SIRT2: variants seen among roughly 807,000 people sequenced by gnomAD.
SIRT2 encodes sirtuin 2, also known as NAD-dependent protein deacetylase sirtuin-2.
A neutral mutation model predicts 57.4 loss-of-function variants in SIRT2; 40 were observed. The ratio of observed to expected loss-of-function variants is 0.70; its 90% CI spans 0.54 to 0.91. The LOEUF (loss-of-function observed/expected upper bound fraction) is 0.91, where lower values mean the gene tolerates loss of function less well. Ranked by LOEUF, SIRT2 falls within the 40% of genes least tolerant of loss-of-function variation. SIRT2 has a pLI of 0.00. For missense variants in SIRT2, 439 were observed against 510.4 expected (o/e 0.86, Z 1.35); for synonymous variants, 161 against 195.7 (o/e 0.82, Z 1.48).
intron 1 of SIRT2, among the ~76,000 whole-genome samples, chr19:38,899,087 C>G: frequency 6.6e-6 from 1 of 151,998 alleles, no homozygotes; most frequent in East Asian, 1.9e-4. Flanking sequence ...GAGGGAGGTG[C>G]AGTGGTGCAG....
chr19:38,894,951 A>C, intron 2 of SIRT2: 1 of 450,326 alleles, frequency 2.2e-6, no homozygotes, highest in African/African-American at 2.1e-5. Flanking sequence ...CCAGCCTCTC[A>C]CTCCTACTAT....
chr19:38,890,199 A>G (rs1170227429), intron 4 of SIRT2, 55 bp from the exon 5 acceptor site: 3 of 1,576,874 alleles, frequency 1.9e-6, no homozygotes, highest in Non-Finnish European at 2.6e-6. Flanking sequence ...TCCCTACGAT[A>G]GCACCACCCA....
chr19:38,890,272 C>T (rs1466307708), intron 4 of SIRT2, 128 bp from the exon 5 acceptor site: 8 of 851,492 alleles, frequency 9.4e-6, no homozygotes, highest in Admixed American at 2.2e-5. Flanking sequence ...AGATGCATGA[C>T]GGGCCTTCCA....
rs1221796776 is a variant in SIRT2, at chr19:38,884,156, G to A, written c.502-400C>T. 2.7e-5 allele frequency among the ~76,000 whole-genome samples: 4 copies of A among 148,676 alleles called. No homozygotes were observed. The East Asian group carries it at 7.8e-4, about 29-fold the overall frequency. ...GGGCCCAAACCTAAATATCTATGAG[G>A]CCAGGCCCACAGCCACTCCACAGCC... On this transcript the variant is annotated intron_variant, in intron 8 of 15. Transcript: ENST00000249396.
chr19:38,889,283 G>A (rs748722061), intron 7 of SIRT2, 128 bp from the exon 8 acceptor site: 12 of 815,384 alleles, frequency 1.5e-5, no homozygotes, highest in Middle Eastern at 2.2e-4. Context: ...CAGCCGCGTC[G>A]GGGAGAGACC....
chr19:38,879,255 C>T lies in SIRT2; in HGVS notation c.1070G>A (p.Gly357Glu), dbSNP rs762799591. 6.2e-7 allele frequency: 1 copy of T among 1,605,198 alleles called. No individual in the cohort carries two copies. The highest frequency in any genetic ancestry group is 1.1e-5 in the South Asian group (1 of 90,140). ...REHASIDAQS[G>E]AGVPNPSTSA... Reference sequence around the variant, plus strand: ...AGTGCTGGGGTTGGGGACCCCCGCCCCCGACTGGGCATCTATGCTGGCGTG... The same window carrying T: ...AGTGCTGGGGTTGGGGACCCCCGCCTCCGACTGGGCATCTATGCTGGCGTG... The change falls in exon 16 of 16, where the codon GGG (glycine) becomes GAG (glutamate). Residue 357 changes from glycine to glutamate, a missense_variant. Gly to Glu is a moderately conservative substitution (Grantham distance 98). Coordinates refer to ENST00000249396, the MANE Select transcript of SIRT2 (RefSeq NM_012237.4).
At chr19:38,889,783 T>G in intron 6 of SIRT2, 38 bp from the exon 7 acceptor site, 1 of 1,613,986 alleles carries the variant, frequency 6.2e-7, no homozygotes, top group South Asian at 1.1e-5. Flanking sequence ...ATGCCCCAGG[T>G]AGCGTGAGGG....
intron 1 of SIRT2, chr19:38,898,643 G>A (rs537113003): frequency 2.7e-4 from 104 of 388,268 alleles, no homozygotes; most frequent in Admixed American, 4.8e-4. Context: ...GGGGCAGAGA[G>A]GCTGGAGAGG....
chr19:38,882,799 G>A (rs1973196440), intron 9 of SIRT2, among the ~76,000 whole-genome samples: 1 of 152,164 alleles, frequency 6.6e-6, no homozygotes, highest in African/African-American at 2.4e-5. Flanking sequence ...TGCATGGACA[G>A]CATGACACCG....
chr19:38,882,094 G>A (rs148881502), intron 9 of SIRT2, among the ~76,000 whole-genome samples: 81 of 151,964 alleles, frequency 5.3e-4, no homozygotes, highest in African/African-American at 1.8e-3. Context: ...ATAGCTTACT[G>A]CACCACCGAC....
chr19:38,891,631 C>T (rs1186540843), intron 4 of SIRT2, among the ~76,000 whole-genome samples: 2 of 152,024 alleles, frequency 1.3e-5, no homozygotes, highest in Admixed American at 6.6e-5. Context: ...GAGGGGGTCT[C>T]GCTTATTGCC....
At chr19:38,887,141 C>T (rs1420003770) in intron 8 of SIRT2, among the ~76,000 whole-genome samples, 1 of 152,034 alleles carries the variant, frequency 6.6e-6, no homozygotes, top group Non-Finnish European at 1.5e-5. Flanking sequence ...TTTACAACAG[C>T]ACCCCCTTTC....
At position 38,881,122 on chromosome 19, in the gene SIRT2, C is replaced by T. The variant is rs199730724; in HGVS notation, c.725G>A (p.Arg242His). Residue 242 changes from arginine to histidine, a missense_variant, in exon 11 of 16, where the codon CGT becomes CAT. By Grantham distance (29) the Arg-to-His change is conservative. Transcript: ENST00000249396. ...TACTGACTGCATACAGGAGAAGAAACGCGCTGGGAGGCTCTCACCAAAAAA... is the reference window on the plus strand; with the variant it reads ...TACTGACTGCATACAGGAGAAGAAATGCGCTGGGAGGCTCTCACCAAAAAA... ...IVFFGESLPA[R>H]FFSCMQSDFL... 8.2e-5 allele frequency: 132 copies of T among 1,613,358 alleles called. 1 individual carries two copies. The highest frequency in any genetic ancestry group is 1.8e-4 in the East Asian group (8 of 44,870).
At position 38,894,200 on chromosome 19, in the gene SIRT2, G is replaced by A. The variant is rs1308529607; in HGVS notation, c.64-333C>T. On this transcript the variant is annotated intron_variant, in intron 2 of 15. Transcript: ENST00000249396. ...CAGCCTCAACCTCCCAAGCTCAAGG[G>A]ATCCTCCCACCTCAGCCTCCCAAGT... 1.2e-5 allele frequency: 4 copies of A among 321,872 alleles called. No individual in the cohort carries two copies. In the Admixed American group the frequency reaches 1.4e-4, roughly 11 times the overall value. The allele number at this position is 321,872 out of a possible 1,614,324, so 19.9% of individuals were successfully genotyped here. A position where few individuals can be genotyped will look rare whatever the true frequency, so the allele number is the denominator to read the frequency against.
In SIRT2 at chr19:38,880,758, G is replaced by C; in HGVS notation, c.825-22C>G. 3 of 1,610,172 alleles carry C rather than the reference G, an allele frequency of 1.9e-6. No homozygotes were observed. Among genetic ancestry groups the C allele is most frequent in the Non-Finnish European group, 2.5e-6 (3 of 1,177,062 alleles). ...TGCCCTGTGGGGAGGGGGAGCTAAG[G>C]GGTCAGGGTCTGTCCTGGCCCTGGG... On this transcript the variant is annotated intron_variant, in intron 12 of 15. Coordinates refer to ENST00000249396, the MANE Select transcript of SIRT2 (RefSeq NM_012237.4). This position sits in a 1 kb window ranked among gnomAD's most constrained non-coding sequence, Gnocchi z 4.1.
chr19:38,881,170 G>A lies in SIRT2; in HGVS notation c.692-15C>T, dbSNP rs201564047. The A allele has an allele frequency of 5.6e-6, 9 of 1,611,178 alleles. No individual in the cohort carries two copies. The highest frequency in any genetic ancestry group is 7.6e-6 in the Non-Finnish European group (9 of 1,178,826). ...AAAGACGATATCTGAGGTGGAGACAGATGGACGGACAGAGACAGTGACATG... is the reference window on the plus strand; with the variant it reads ...AAAGACGATATCTGAGGTGGAGACAAATGGACGGACAGAGACAGTGACATG... On this transcript the variant is annotated splice_polypyrimidine_tract_variant and intron_variant, in intron 10 of 15. Transcript: ENST00000249396.
chr19:38,890,939 C>T (rs1272382981), intron 4 of SIRT2, among the ~76,000 whole-genome samples: 1 of 152,224 alleles, frequency 6.6e-6, no homozygotes, highest in Non-Finnish European at 1.5e-5. Flanking sequence ...CAAAGGTGAA[C>T]AGAGCACAAA....
At chr19:38,895,539 C>G (rs1973688255) in intron 2 of SIRT2, among the ~76,000 whole-genome samples, 1 of 152,232 alleles carries the variant, frequency 6.6e-6, no homozygotes, top group Non-Finnish European at 1.5e-5. Context: ...GCCACCACCT[C>G]AGACAACTCC....
chr19:38,893,264 C>A, intron 4 of SIRT2, 150 bp downstream of exon 4: 1 of 628,966 alleles, frequency 1.6e-6, no homozygotes, highest in Non-Finnish European at 2.9e-6. Context: ...TTAGAGCCAA[C>A]ACACTCCTTT....
Sources: gnomAD v4.1 joint callset for allele counts (sites outside exome capture counted in the v4.1 genomes callset) on GRCh38, gnomAD v4.1.1 for gene constraint, Gnocchi (gnomAD v3.1) non-coding constraint, MANE v1.5 for transcripts, NCBI Gene and HGNC (gene_info 2026-07-23, HGNC 2026-07-21) for gene names.